Variants in ARIH2 observed in about 807,000 individuals in gnomAD.
ARIH2 encodes the protein ariadne RBR E3 ubiquitin protein ligase 2.
In ARIH2, 12 loss-of-function variants were observed where a neutral mutation model predicts 79.8. That is an observed-to-expected ratio of 0.15 (90% CI 0.10 to 0.24). The LOEUF (loss-of-function observed/expected upper bound fraction) is 0.24, where lower values mean the gene tolerates loss of function less well. ARIH2 is among the 10% of genes least tolerant of loss of function. The pLI is 1.00. For synonymous variants in ARIH2, 224 were observed against 213.9 expected (o/e 1.05, Z -0.41); for missense variants, 301 against 618.3 (o/e 0.49, Z 5.44).
At chr3:48,969,127 C>G (rs1576473913) in intron 7 of ARIH2, among the ~76,000 whole-genome samples, 1 of 152,152 alleles carries the variant, frequency 6.6e-6, no homozygotes, top group Non-Finnish European at 1.5e-5. Flanking sequence ...CCCCCCTCGG[C>G]CTCCCAAAGT....
intron 3 of ARIH2, among the ~76,000 whole-genome samples, chr3:48,953,307 A>G (rs2090176189): frequency 6.6e-6 from 1 of 152,256 alleles, no homozygotes; most frequent in Non-Finnish European, 1.5e-5. Context: ...AATTAAAATC[A>G]GGAATAATCT....
chr3:48,946,793 G>A (rs1243643988), intron 3 of ARIH2, among the ~76,000 whole-genome samples: 1 of 152,056 alleles, frequency 6.6e-6, no homozygotes, highest in Non-Finnish European at 1.5e-5. Flanking sequence ...CATGGGCTGC[G>A]CTTGGTCTCT....
At chr3:48,983,168 T>C (rs752055317) in intron 15 of ARIH2, 31 bp from the exon 16 acceptor site, 2 of 1,613,706 alleles carry the variant, frequency 1.2e-6, no homozygotes, top group East Asian at 2.2e-5. Flanking sequence ...GCCTGGGCCA[T>C]GCAAGCACAC....
chr3:48,973,303 C>T (rs189350808), intron 8 of ARIH2, among the ~76,000 whole-genome samples: 11 of 152,194 alleles, frequency 7.2e-5, no homozygotes, highest in Non-Finnish European at 1.2e-4. Flanking sequence ...TTAGACTGGG[C>T]GCGGTGGCTC....
rs2092418206 is a variant in ARIH2 at position 48,974,832 on chromosome 3, A to G, written c.904A>G (p.Ile302Val). The G allele has an allele frequency of 6.2e-7, 1 of 1,613,700 alleles. No homozygotes were observed. Residue 302 changes from isoleucine to valine, a missense_variant, in exon 10 of 16, where the codon ATC becomes GTC. Ile to Val is a conservative substitution (Grantham distance 29). This residue lies in a region of ARIH2 where 78 missense variants were observed against 268.9 expected (regional missense o/e 0.29). Coordinates refer to ENST00000356401, the MANE Select transcript of ARIH2 (RefSeq NM_006321.4). ...AHTKDCPKCN[I>V]CIEKNGGCNH... ...GTCTCCTCAGTGTCCCAAGTGCAAC[A>G]TCTGCATTGAGAAGAATGGAGGCTG... is the stretch of plus-strand genomic sequence containing the variant.
At position 48,978,992 on chromosome 3, in the gene ARIH2, G is replaced by A. The variant is rs568592554; in HGVS notation, c.962-490G>A. Among the ~76,000 whole-genome samples, 5 of 152,034 alleles carry A rather than the reference G, an allele frequency of 3.3e-5. No individual in the cohort carries two copies. The South Asian group carries it at 8.3e-4, about 25-fold the overall frequency. The stretch of plus-strand genomic sequence containing the variant: ...AAAAAGAAAAAGAAAAATAAGAAAT[G>A]TGTTTTTTAAAATAGAAGAAAAAGG... On this transcript the variant is annotated intron_variant, in intron 11 of 15. Transcript: ENST00000356401.
intron 3 of ARIH2, among the ~76,000 whole-genome samples, chr3:48,954,110 A>G (rs2090309967): frequency 6.6e-6 from 1 of 151,868 alleles, no homozygotes. Context: ...GCAGTGAACC[A>G]AGATCGCGCC....
At chr3:48,931,362 G>A (rs1190920132) in intron 3 of ARIH2, among the ~76,000 whole-genome samples, 2 of 151,610 alleles carry the variant, frequency 1.3e-5, no homozygotes, top group Admixed American at 6.6e-5. Context: ...TGGCTAACAC[G>A]GTGAAACCCC....
chr3:48,939,367 T>C (rs1011147881), intron 3 of ARIH2, among the ~76,000 whole-genome samples: 1 of 152,070 alleles, frequency 6.6e-6, no homozygotes, highest in Non-Finnish European at 1.5e-5. Context: ...TCTGGAGTAA[T>C]AGCTGTCTCT....
At chr3:48,934,266 A>C (rs146151926) in intron 3 of ARIH2, 5,917 of 568,558 alleles carry the variant, frequency 0.01, 37 homozygotes, top group Non-Finnish European at 0.012. Flanking sequence ...CCATTTTCTT[A>C]ATTGGTACTA....
At chr3:48,930,276 C>T (rs1001108262) in intron 3 of ARIH2, among the ~76,000 whole-genome samples, 1 of 152,124 alleles carries the variant, frequency 6.6e-6, no homozygotes. Context: ...AGGCAAGATA[C>T]AAGCTAGCAT....
intron 13 of ARIH2, among the ~76,000 whole-genome samples, chr3:48,981,016 CAAAAAAAAAAAAAA>C (rs34533467): frequency 6.6e-5 from 2 of 30,136 alleles, no homozygotes; most frequent in Non-Finnish European, 1.1e-4. Context: ...GCAAGACTGT[CAAAAAAAAAAAAAA>C]AAAAAAAAAA....
intron 3 of ARIH2, among the ~76,000 whole-genome samples, chr3:48,940,808 AATAT>A (rs1553702240): frequency 2.1e-4 from 21 of 98,046 alleles, no homozygotes; most frequent in Non-Finnish European, 2.7e-4. Context: ...AAAAAAAAAA[AATAT>A]ATATATATAT....
intron 3 of ARIH2, among the ~76,000 whole-genome samples, chr3:48,950,725 G>A (rs1187300135): frequency 1.3e-5 from 2 of 151,886 alleles, no homozygotes; most frequent in African/African-American, 2.4e-5. Context: ...AATACAGACT[G>A]GACTTAGAAT....
chr3:48,977,664 G>T (rs749952406), intron 11 of ARIH2, among the ~76,000 whole-genome samples: 7 of 152,128 alleles, frequency 4.6e-5, no homozygotes, highest in Non-Finnish European at 7.4e-5. Context: ...TCACCTTGTT[G>T]GCCATGCTGG....
At chr3:48,974,701 C>A (rs2092413355) in intron 9 of ARIH2, 116 bp from the exon 10 acceptor site, 3 of 1,029,732 alleles carry the variant, frequency 2.9e-6, no homozygotes, top group Non-Finnish European at 3.1e-6. Context: ...AGGTGCTCCT[C>A]CCCAGAAGTG....
chr3:48,963,388 G>A (rs2091472463), intron 4 of ARIH2, among the ~76,000 whole-genome samples: 1 of 152,138 alleles, frequency 6.6e-6, no homozygotes, highest in African/African-American at 2.4e-5. Flanking sequence ...TGGGAATTAG[G>A]AATAAAACGG....
chr3:48,966,872 T>C (rs1338100884), intron 5 of ARIH2, among the ~76,000 whole-genome samples: 1 of 152,194 alleles, frequency 6.6e-6, no homozygotes, highest in Non-Finnish European at 1.5e-5. Flanking sequence ...TAAGTTCTCA[T>C]TTCAGCCTTG....
chr3:48,937,919 C>CAT, intron 3 of ARIH2, among the ~76,000 whole-genome samples: 1 of 151,328 alleles, frequency 6.6e-6, no homozygotes, highest in African/African-American at 2.4e-5. Flanking sequence ...TAGTGGCGGG[C>CAT]GCCTGTAGTC....
Sources: allele counts gnomAD v4.1 joint callset (sites outside exome capture counted in the v4.1 genomes callset), GRCh38; gene constraint gnomAD v4.1.1; regional missense constraint gnomAD v4.1.1; transcripts MANE v1.5; gene names NCBI Gene and HGNC (gene_info 2026-07-23, HGNC 2026-07-21).